Variants in SYTL4 observed in about 807,000 individuals in gnomAD.
The protein encoded by SYTL4 is synaptotagmin like 4, also known as synaptotagmin-like protein 4.
Under a neutral mutation model 52.7 loss-of-function variants are expected in SYTL4, and 16 were observed. The ratio of observed to expected loss-of-function variants is 0.30; its 90% CI spans 0.21 to 0.46. The LOEUF is 0.46. Ranked by LOEUF, SYTL4 falls within the 20% of genes least tolerant of loss-of-function variation. The pLI, the probability that SYTL4 is intolerant of heterozygous loss-of-function variation, is 1.00. For synonymous variants in SYTL4, 160 were observed against 186.6 expected (o/e 0.86, Z 1.16); for missense variants, 423 against 519.9 (o/e 0.81, Z 1.81).
intron 16 of SYTL4, chrX:100,684,665 G>T (rs2083442318): frequency 9.5e-6 from 1 of 105,714 alleles, no homozygotes; most frequent in Non-Finnish European, 1.9e-5. Flanking sequence ...ATGCATATCT[G>T]TGCTGCTTAA....
At chrX:100,685,787 TCA>T in intron 16 of SYTL4, 1 of 391,012 alleles carries the variant, frequency 2.6e-6, no homozygotes, top group Non-Finnish European at 4.2e-6. Context: ...AACCATGGCT[TCA>T]CACTTTGCCT....
rs2083823899 is a variant in SYTL4 at position 100,700,460 on chromosome X, G to A, written c.539+437C>T. ...GGATGATTTTAATTTATTATACTAT[G>A]ATCTAATATTAAAAAGATTTTTCAG... On this transcript the variant is annotated intron_variant, in intron 8 of 19. Coordinates refer to ENST00000372989, the MANE Select transcript of SYTL4 (RefSeq NM_001370165.1). 3.6e-5 allele frequency among the ~76,000 whole-genome samples: 4 copies of A among 111,478 alleles called. No homozygotes were observed. The South Asian group carries it at 1.5e-3, about 42-fold the overall frequency.
chrX:100,714,467 G>C (rs1052347609), intron 2 of SYTL4, among the ~76,000 whole-genome samples: 6 of 111,068 alleles, frequency 5.4e-5, no homozygotes, highest in African/African-American at 2.0e-4. Context: ...CACCGTGTTA[G>C]CCAGGATGGT....
At chrX:100,696,019 A>G (rs898565717) in intron 8 of SYTL4, among the ~76,000 whole-genome samples, 7 of 112,043 alleles carry the variant, frequency 6.2e-5, no homozygotes, top group African/African-American at 2.3e-4. Context: ...GCGTGTATCA[A>G]TAGTTCATTT....
intron 2 of SYTL4, among the ~76,000 whole-genome samples, chrX:100,723,871 G>A (rs1004637916): frequency 2.8e-5 from 3 of 108,885 alleles, no homozygotes; most frequent in Admixed American, 9.5e-5. Context: ...CGGGAGGGAG[G>A]TGGGGGTCAG....
chrX:100,676,576 C>G (rs2083281270), intron 19 of SYTL4, among the ~76,000 whole-genome samples: 1 of 111,875 alleles, frequency 8.9e-6, no homozygotes, highest in South Asian at 3.8e-4. Context: ...CTTCTGCTTC[C>G]TGGGTTCAAG....
chrX:100,692,503 G>A (rs182632214), intron 8 of SYTL4, among the ~76,000 whole-genome samples: 2 of 111,754 alleles, frequency 1.8e-5, no homozygotes, highest in Admixed American at 9.5e-5. Context: ...CTAGAAGACA[G>A]TATTCAGGTG....
chrX:100,707,752 C>T (rs1162775124), intron 2 of SYTL4, among the ~76,000 whole-genome samples: 1 of 110,898 alleles, frequency 9.0e-6, no homozygotes, highest in Non-Finnish European at 1.9e-5. Flanking sequence ...TACATTCAGT[C>T]CCAGGTGTAC....
intron 19 of SYTL4, among the ~76,000 whole-genome samples, chrX:100,678,188 G>A (rs972934336): frequency 9.0e-6 from 1 of 111,647 alleles, no homozygotes; most frequent in Non-Finnish European, 1.9e-5. Context: ...ACATTTATCT[G>A]TGCACATATC....
chrX:100,716,450 C>CAAAAAAAAAA lies in SYTL4; in HGVS notation c.-239-11574_-239-11565dup, dbSNP rs200368843. On this transcript the variant is annotated intron_variant, in intron 2 of 19. Coordinates refer to ENST00000372989, the MANE Select transcript of SYTL4 (RefSeq NM_001370165.1). ...GGGCAACAAGAGCAAAACTCCATCTCAAAAAAAAAAAAAAAAAAAAAAAAA... is the reference window on the plus strand; with the variant it reads ...GGGCAACAAGAGCAAAACTCCATCTCAAAAAAAAAAAAAAAAAAAAAAAAAAAAAAAAAAA... Among the ~76,000 whole-genome samples the CAAAAAAAAAA allele has an allele frequency of 3.1e-3, 79 of 25,755 alleles. 1 individual carries two copies. Among genetic ancestry groups the CAAAAAAAAAA allele is most frequent in the Non-Finnish European group, 3.6e-3 (64 of 18,009 alleles). The allele number at this position is 25,755 out of a possible 115,157, so 22.4% of individuals were successfully genotyped here. A position where few individuals can be genotyped will look rare whatever the true frequency, so the allele number is the denominator to read the frequency against.
In SYTL4 at chrX:100,675,906, A is replaced by ACT. The variant is rs2083268478; in HGVS notation, c.*121_*122insAG. The ACT allele has an allele frequency of 3.2e-6, 2 of 630,851 alleles. No individual in the cohort carries two copies. Among genetic ancestry groups the ACT allele is most frequent in the Non-Finnish European group, 4.7e-6 (2 of 429,103 alleles). The allele number at this position is 630,851 out of a possible 1,213,427, so 52.0% of individuals were successfully genotyped here. On this transcript the variant is annotated 3_prime_UTR_variant, in exon 20 of 20. Coordinates refer to ENST00000372989, the MANE Select transcript of SYTL4 (RefSeq NM_001370165.1). ...CATGTTTGTACACATACACACACACACACACACACACACATACACACATAC... is the reference window on the plus strand; with the variant it reads ...CATGTTTGTACACATACACACACACACTCACACACACACACATACACACATAC...
intron 2 of SYTL4, among the ~76,000 whole-genome samples, chrX:100,726,352 C>G (rs149627887): frequency 1.6e-3 from 176 of 111,406 alleles, no homozygotes; most frequent in African/African-American, 5.5e-3. Flanking sequence ...AAGAACTCCT[C>G]TTTTCGTCTC....
intron 3 of SYTL4, among the ~76,000 whole-genome samples, chrX:100,704,313 C>T (rs181766171): frequency 1.0e-3 from 114 of 111,913 alleles, no homozygotes; most frequent in African/African-American, 3.3e-3. Flanking sequence ...ACAAAACGAC[C>T]CACCTCAAAC....
At chrX:100,719,919 T>C (rs1056764507) in intron 2 of SYTL4, among the ~76,000 whole-genome samples, 4 of 111,853 alleles carry the variant, frequency 3.6e-5, no homozygotes, top group Non-Finnish European at 7.5e-5. Context: ...TATATATTCA[T>C]TTCTCCTGCA....
At chrX:100,696,584 G>A (rs1225608162) in intron 8 of SYTL4, among the ~76,000 whole-genome samples, 1 of 110,970 alleles carries the variant, frequency 9.0e-6, no homozygotes, top group African/African-American at 3.3e-5. Flanking sequence ...CATTTTCTAT[G>A]GGATTGTCTG....
At chrX:100,705,651 G>A (rs2083941866) in intron 2 of SYTL4, among the ~76,000 whole-genome samples, 1 of 111,563 alleles carries the variant, frequency 9.0e-6, no homozygotes, top group East Asian at 2.8e-4. Context: ...AAAAACTGGT[G>A]CTTGTGGAGA....
intron 8 of SYTL4, among the ~76,000 whole-genome samples, chrX:100,692,731 T>C (rs1222286687): frequency 9.1e-6 from 1 of 110,494 alleles, no homozygotes; most frequent in African/African-American, 3.3e-5. Context: ...TCTCCTGGTT[T>C]CCTCCTCCAA....
chrX:100,699,655 ATT>A (rs917491538), intron 8 of SYTL4, among the ~76,000 whole-genome samples: 21 of 71,701 alleles, frequency 2.9e-4, no homozygotes, highest in African/African-American at 9.8e-4. Flanking sequence ...CACCTGGCTA[ATT>A]TTTTTTTTTT....
At chrX:100,684,967 G>C in intron 16 of SYTL4, 1 of 112,349 alleles carries the variant, frequency 8.9e-6, no homozygotes, top group Admixed American at 9.4e-5. Context: ...AATGTGCTGG[G>C]ATTACAGGCG....
Sources: allele counts gnomAD v4.1 joint callset (sites outside exome capture counted in the v4.1 genomes callset), GRCh38; gene constraint gnomAD v4.1.1; transcripts MANE v1.5; gene names NCBI Gene and HGNC (gene_info 2026-07-23, HGNC 2026-07-21).